SEMA4G: variants seen among roughly 807,000 people sequenced by gnomAD.
SEMA4G encodes the protein semaphorin 4G.
SEMA4G carries 59 observed loss-of-function variants against 81.2 expected under a neutral mutation model. The ratio of observed to expected loss-of-function variants is 0.73; its 90% CI spans 0.59 to 0.90. SEMA4G has a LOEUF of 0.90. Ranked by LOEUF, SEMA4G falls within the 40% of genes least tolerant of loss-of-function variation. SEMA4G has a pLI of 0.00. For synonymous variants in SEMA4G, 404 were observed against 433.9 expected (o/e 0.93, Z 0.86); for missense variants, 952 against 1,102.3 (o/e 0.86, Z 1.93).
upstream of SEMA4G, among the ~76,000 whole-genome samples, chr10:100,970,804 T>C (rs551950698): frequency 1.4e-4 from 21 of 152,182 alleles, no homozygotes; most frequent in Non-Finnish European, 2.4e-4. Context: ...GTGAACATGA[T>C]TGCCTGGCCC....
At chr10:100,975,057 G>T (rs762133242) in intron 3 of SEMA4G, 3 of 534,010 alleles carry the variant, frequency 5.6e-6, no homozygotes, top group South Asian at 4.2e-5. Flanking sequence ...TTCCATCAAA[G>T]GCTGCCTCTT....
intron 3 of SEMA4G, among the ~76,000 whole-genome samples, chr10:100,974,575 A>G (rs1850724913): frequency 6.6e-6 from 1 of 152,260 alleles, no homozygotes; most frequent in African/African-American, 2.4e-5. Flanking sequence ...GTCAGCAACT[A>G]TCTACAGCAA....
At chr10:100,976,173 G>A (rs1218677788) in intron 3 of SEMA4G, among the ~76,000 whole-genome samples, 1 of 152,118 alleles carries the variant, frequency 6.6e-6, no homozygotes, top group Non-Finnish European at 1.5e-5. Context: ...CAGGCAAGAG[G>A]AGGAATCATT....
At chr10:100,977,133 G>A (rs1850832048) in intron 3 of SEMA4G, among the ~76,000 whole-genome samples, 1 of 152,204 alleles carries the variant, frequency 6.6e-6, no homozygotes, top group African/African-American at 2.4e-5. Context: ...GTTTAGGAAA[G>A]ATGTAGGTTA....
upstream of SEMA4G, chr10:100,969,858 C>G (rs1481477901): frequency 2.2e-6 from 1 of 455,750 alleles, no homozygotes; most frequent in Non-Finnish European, 4.4e-6. Context: ...GGATCTGGGT[C>G]ACGTCTCCCG....
chr10:100,974,234 G>T (rs770282045), intron 3 of SEMA4G, among the ~76,000 whole-genome samples: 28 of 151,898 alleles, frequency 1.8e-4, no homozygotes, highest in Non-Finnish European at 3.7e-4. Flanking sequence ...GGAGGCTGAG[G>T]GTAGGAGGAC....
At chr10:100,979,382 G>C in intron 8 of SEMA4G, 111 bp downstream of exon 9, 1 of 1,590,658 alleles carries the variant, frequency 6.3e-7, no homozygotes, top group Non-Finnish European at 8.6e-7. Flanking sequence ...GCTGCAAAGT[G>C]AGAATTTTTT....
At chr10:100,981,124 A>G (rs1281133110) in intron 12 of SEMA4G, 44 bp from the exon 14 acceptor site, 1 of 1,608,754 alleles carries the variant, frequency 6.2e-7, no homozygotes, top group African/African-American at 1.3e-5. Context: ...TGGGAAACTG[A>G]AACCCAGTTC....
chr10:100,984,867 T>C (rs1564801584), downstream of SEMA4G: 2 of 1,484,052 alleles, frequency 1.3e-6, no homozygotes, highest in Admixed American at 4.3e-5. Context: ...GCCTCCCCAC[T>C]CTCCTTGGTC....
chr10:100,977,955 A>C, intron 4 of SEMA4G: 1 of 577,398 alleles, frequency 1.7e-6, no homozygotes, highest in Non-Finnish European at 3.1e-6. Flanking sequence ...CCTCCCCCTA[A>C]TCACCTCCAC....
Position 100,973,642 on chromosome 10 carries a change from C to T in SEMA4G, c.336+33C>T. On this transcript the variant is annotated intron_variant, in intron 3 of 13. Coordinates refer to ENST00000370250, the Ensembl canonical transcript of SEMA4G. This position sits in a 1 kb window ranked among gnomAD's most constrained non-coding sequence, Gnocchi z 5.5. ...GTCTGCCCTGTCCCCAGCTCCTTTC[C>T]TCCCCTTCTTCCTCAATCAGGGATG... 6.2e-7 allele frequency: 1 copy of T among 1,601,232 alleles called. No individual in the cohort carries two copies. The highest frequency in any genetic ancestry group is 8.6e-7 in the Non-Finnish European group (1 of 1,169,038).
intron 13 of SEMA4G, chr10:100,981,444 G>C (rs756459714): frequency 6.2e-7 from 1 of 1,614,140 alleles, no homozygotes; most frequent in Non-Finnish European, 8.5e-7. Context: ...GATGTGAAGT[G>C]TCTTGTCACT....
At chr10:100,984,566 C>T in exon 14 of SEMA4G, 1 of 1,536,186 alleles carries the variant, frequency 6.5e-7, no homozygotes, top group Non-Finnish European at 8.7e-7. Flanking sequence ...GTCCTGAAAC[C>T]AGACAAGACC....
At chr10:100,976,960 G>A (rs28663309) in intron 3 of SEMA4G, among the ~76,000 whole-genome samples, 1,930 of 152,292 alleles carry the variant, frequency 0.013, 62 homozygotes, top group African/African-American at 0.044. Context: ...TGCTGGTGGT[G>A]GAGTCAAAGT....
exon 1 of SEMA4G, chr10:100,972,944 G>A: frequency 1.2e-6 from 2 of 1,613,078 alleles, no homozygotes; most frequent in Non-Finnish European, 1.7e-6. Context: ...CTCCTCCTCA[G>A]CATCCTCACA....
At chr10:100,978,861 T>G (rs1461931758) in exon 7 of SEMA4G, 10 of 1,613,828 alleles carry the variant, frequency 6.2e-6, no homozygotes, top group Non-Finnish European at 8.5e-6. Flanking sequence ...GCGGAGTTTG[T>G]GTTCTCCGTC....
At chr10:100,979,170 C>T (rs1564795878) in exon 8 of SEMA4G, 1 of 1,614,214 alleles carries the variant, frequency 6.2e-7, no homozygotes, top group Middle Eastern at 1.6e-4. Flanking sequence ...GTCTCATCTG[C>T]CACATTCCAC....
At chr10:100,970,939 C>T (rs1453222445), upstream of SEMA4G, among the ~76,000 whole-genome samples, 1 of 152,224 alleles carries the variant, frequency 6.6e-6, no homozygotes, top group Non-Finnish European at 1.5e-5. Flanking sequence ...TCCTCAATGT[C>T]TGAGGCTGTG....
chr10:100,981,529 T>A (rs1420173818), intron 13 of SEMA4G: 1 of 1,614,106 alleles, frequency 6.2e-7, no homozygotes, highest in Admixed American at 1.7e-5. Context: ...GAAGATCGGA[T>A]GACTGAACTG....
Sources: gnomAD v4.1 joint callset for allele counts (sites outside exome capture counted in the v4.1 genomes callset) on GRCh38, gnomAD v4.1.1 for gene constraint, Gnocchi (gnomAD v3.1) non-coding constraint, MANE v1.5 for transcripts, NCBI Gene and HGNC (gene_info 2026-07-23, HGNC 2026-07-21) for gene names.